The following DTX2 variants were observed in gnomAD, a reference collection of about 807,000 sequenced individuals.
The protein encoded by DTX2 is deltex E3 ubiquitin ligase 2, also known as probable E3 ubiquitin-protein ligase DTX2.
DTX2 carries 29 observed loss-of-function variants against 55.3 expected under a neutral mutation model. The observed-to-expected ratio is 0.52, with a 90% confidence interval of 0.39 to 0.71. The LOEUF is 0.71. Among genes scored for constraint, DTX2 ranks in the 30% least tolerant of loss-of-function variants. The pLI, the probability that DTX2 is intolerant of heterozygous loss-of-function variation, is 0.00. For missense variants in DTX2, 537 were observed against 822.5 expected, an observed-to-expected ratio of 0.65 and a Z score of 4.25; for synonymous variants, 276 against 340.4, an observed-to-expected ratio of 0.81 and a Z score of 2.08.
rs1011355530 is a variant in DTX2 at position 76,495,582 on chromosome 7, C to T, written c.1010-1755C>T. 3.3e-5 allele frequency among the ~76,000 whole-genome samples: 5 copies of T among 149,444 alleles called. No individual in the cohort carries two copies. In the East Asian group the frequency reaches 6.1e-4, roughly 18 times the overall value. On this transcript the variant is annotated intron_variant, in intron 5 of 10. Transcript: ENST00000430490. ...GAAAAGGACACGTGTGTCACTCATG[C>T]GGCCTCCTGGGGGCTGGTGGTGGCC...
chr7:76,480,474 AAGCTGTTTGGGAAAGCAGCGGGAC>A lies in DTX2; in HGVS notation c.-35_-12del. 1 of 1,533,758 alleles carries A rather than the reference AAGCTGTTTGGGAAAGCAGCGGGAC, an allele frequency of 6.5e-7. No individual in the cohort carries two copies. Among genetic ancestry groups the A allele is most frequent in the Middle Eastern group, 2.5e-4 (1 of 4,062 alleles). On this transcript the variant is annotated 5_prime_UTR_variant, in exon 3 of 11. Transcript: ENST00000430490. ...CGGGACTCCAGGCCAGAGGGGTCTG[AAGCTGTTTGGGAAAGCAGCGGGAC>A]TCCTTGGGAAGATGGCCATGGCCCC...
Position 76,483,166 on chromosome 7 carries a change from G to A in DTX2, c.908+19G>A, listed in dbSNP as rs199743411. The stretch of plus-strand genomic sequence containing the variant: ...CAGTCAGGTATCGTGGGCAACGGCC[G>A]CTCGTTTTGTCTGCCCTGTGTTTCC... On this transcript the variant is annotated intron_variant, in intron 4 of 10. Transcript: ENST00000430490. 678 of 1,602,196 alleles carry A rather than the reference G, an allele frequency of 4.2e-4. 2 individuals are homozygous for A. The African/African-American group carries it at 6.7e-3, about 16-fold the overall frequency.
intron 6 of DTX2, chr7:76,500,191 C>G (rs1273481627): frequency 5.4e-6 from 2 of 372,980 alleles, no homozygotes; most frequent in Admixed American, 6.2e-5. Context: ...TTCTGCTCTT[C>G]TGCATCCTCC....
intron 4 of DTX2, among the ~76,000 whole-genome samples, chr7:76,483,752 G>A (rs1339113463): frequency 6.6e-6 from 1 of 150,762 alleles, no homozygotes; most frequent in Non-Finnish European, 1.5e-5. Flanking sequence ...AGAGCGGGTG[G>A]CATTTAAAAT....
chr7:76,489,878 C>T (rs1166716990), intron 4 of DTX2, among the ~76,000 whole-genome samples: 1 of 138,188 alleles, frequency 7.2e-6, no homozygotes, highest in Non-Finnish European at 1.6e-5. Flanking sequence ...GGGAACAAAA[C>T]CCTCATATTA....
chr7:76,465,201 G>A (rs1429849011), intron 2 of DTX2, among the ~76,000 whole-genome samples: 2 of 144,978 alleles, frequency 1.4e-5, no homozygotes, highest in Non-Finnish European at 3.0e-5. Context: ...TGAGGACAGG[G>A]GACCAAGTGG....
At position 76,482,722 on chromosome 7, in the gene DTX2, G is replaced by A; in HGVS notation, c.483G>A (p.Gln161=). The A allele has an allele frequency of 6.2e-7, 1 of 1,613,866 alleles. No individual in the cohort carries two copies. The highest frequency in any genetic ancestry group is 8.5e-7 in the Non-Finnish European group (1 of 1,179,820). ...CTGTCAACTACACCACCCACACGCA[G>A]ACCAACAAGACTTCCAGCTTCTGCC... The part of the protein sequence containing the change: ...NYTVNYTTHT[Q]TNKTSSFCRS... The change falls in exon 4 of 11, where the codon CAG becomes CAA. Residue 161 remains glutamine (Q), a synonymous_variant. Transcript: ENST00000430490.
intron 8 of DTX2, chr7:76,502,951 C>G (rs570431895): frequency 4.7e-6 from 1 of 213,964 alleles, no homozygotes; most frequent in Admixed American, 5.2e-5. Flanking sequence ...CATGAAGAGC[C>G]GCGCCCAGAC....
At chr7:76,498,906 GTGTGTGTGGAGT>G (rs1811280905) in intron 6 of DTX2, among the ~76,000 whole-genome samples, 1 of 58,814 alleles carries the variant, frequency 1.7e-5, no homozygotes, top group African/African-American at 1.1e-4. Context: ...GAGGTGTGGA[GTGTGTGTGGAGT>G]GTGTGTGGAG....
chr7:76,501,192 C>A, intron 7 of DTX2: 1 of 437,538 alleles, frequency 2.3e-6, no homozygotes, highest in Non-Finnish European at 4.6e-6. Context: ...ACCCAGAGAT[C>A]TTCAGATACT....
Position 76,505,557 on chromosome 7 carries a change from C to G in DTX2, c.1825C>G (p.Leu609Val). 1 of 1,603,282 alleles carries G rather than the reference C, an allele frequency of 6.2e-7. No homozygotes were observed. The highest frequency in any genetic ancestry group is 8.5e-7 in the Non-Finnish European group (1 of 1,176,168). The change falls in exon 11 of 11, where the codon CTG becomes GTG. Residue 609 changes from leucine (L) to valine (V), a missense_variant. This residue lies in a region of DTX2 where 59 missense variants were observed against 54.1 expected (regional missense o/e 1.09). Coordinates refer to ENST00000430490, the MANE Select transcript of DTX2 (RefSeq NM_001102594.3). This position sits in a 1 kb window ranked among gnomAD's most constrained non-coding sequence, Gnocchi z 4.4. ...CTACCTGCAGAACGTGCTGGCTGAG[C>G]TGGCTGCCCAGGGGGTGACCGAGGA... is the stretch of plus-strand genomic sequence containing the variant. ...PNYLQNVLAE[L>V]AAQGVTEDCL...
chr7:76,493,889 G>A (rs1367827519), intron 5 of DTX2, among the ~76,000 whole-genome samples: 4 of 121,882 alleles, frequency 3.3e-5, no homozygotes, highest in Non-Finnish European at 7.4e-5. Context: ...GGGGCTTGGC[G>A]TGTGTGAATT....
At chr7:76,501,321 A>T (rs1169963327) in intron 7 of DTX2, 2 of 455,778 alleles carry the variant, frequency 4.4e-6, no homozygotes, top group Non-Finnish European at 8.8e-6. Flanking sequence ...AGGAGCCTGA[A>T]CGTCCTCCTC....
At chr7:76,488,985 G>C (rs1810167879) in intron 4 of DTX2, among the ~76,000 whole-genome samples, 1 of 98,916 alleles carries the variant, frequency 1.0e-5, no homozygotes, top group Non-Finnish European at 2.0e-5. Context: ...GTTCAGTAGA[G>C]TCAGGACCTT....
intron 7 of DTX2, chr7:76,501,273 G>T (rs1393250777): frequency 2.2e-6 from 1 of 456,180 alleles, no homozygotes; most frequent in Non-Finnish European, 4.4e-6. Flanking sequence ...CCAGTCTGTT[G>T]AGTCCATGAG....
At chr7:76,481,251 G>A (rs1628199) in intron 3 of DTX2, among the ~76,000 whole-genome samples, 81,191 of 150,916 alleles carry the variant, frequency 0.54, 22,320 homozygotes, top group African/African-American at 0.62. Context: ...CAGTGGCGCA[G>A]TCTCGGCTCA....
intron 2 of DTX2, among the ~76,000 whole-genome samples, chr7:76,468,808 G>T (rs1462071828): frequency 7.3e-6 from 1 of 137,314 alleles, no homozygotes; most frequent in Non-Finnish European, 1.5e-5. Context: ...TGTTGCCCAG[G>T]CTGGAGTACA....
rs748933743 is a variant in DTX2 at position 76,482,590 on chromosome 7, C to T, written c.351C>T (p.Asp117=). The change falls in exon 4 of 11, where the codon GAC becomes GAT. Residue 117 remains aspartate, a synonymous_variant. Transcript: ENST00000430490. Reference sequence around the variant, plus strand: ...GTGTCGTCTGGGAGTGGCTGAGCGACGATGGCTCCTGGACTGCCTATGAAG... The same window carrying T: ...GTGTCGTCTGGGAGTGGCTGAGCGATGATGGCTCCTGGACTGCCTATGAAG... The part of the protein sequence containing the change: ...GRGVVWEWLS[D]DGSWTAYEAS... The T allele has an allele frequency of 5.1e-5, 83 of 1,613,612 alleles. No individual in the cohort carries two copies. Among genetic ancestry groups the T allele is most frequent in the Admixed American group, 6.7e-5 (4 of 59,976 alleles).
In DTX2 at chr7:76,474,176, CTTTTTTTTTTCT is replaced by C. The variant is rs1808266833; in HGVS notation, c.-89-6240_-89-6229del. Among the ~76,000 whole-genome samples the C allele has an allele frequency of 1.4e-5, 2 of 139,898 alleles. 1 individual carries two copies. Among genetic ancestry groups the C allele is most frequent in the Non-Finnish European group, 3.0e-5 (2 of 65,604 alleles). The allele number at this position is 139,898 out of a possible 152,430, so 91.8% of individuals were successfully genotyped here. A position where few individuals can be genotyped will look rare whatever the true frequency, so the allele number is the denominator to read the frequency against. ...CCTCAGGTGATCCGTGCCTGGCCTA[CTTTTTTTTTTCT>C]TTTTCTTTTTCTTTTTCTTTTCTTT... is the stretch of plus-strand genomic sequence containing the variant. On this transcript the variant is annotated intron_variant, in intron 2 of 10. Coordinates refer to ENST00000430490, the MANE Select transcript of DTX2 (RefSeq NM_001102594.3).
Sources: gnomAD v4.1 joint callset for allele counts (sites outside exome capture counted in the v4.1 genomes callset) on GRCh38, gnomAD v4.1.1 for gene constraint, gnomAD v4.1.1 regional missense constraint, Gnocchi (gnomAD v3.1) non-coding constraint, MANE v1.5 for transcripts, NCBI Gene and HGNC (gene_info 2026-07-23, HGNC 2026-07-21) for gene names.